The following ATP9A variants were observed in gnomAD, a reference collection of about 807,000 sequenced individuals.
ATP9A encodes the protein ATPase phospholipid transporting 9A.
A neutral mutation model predicts 144.1 loss-of-function variants in ATP9A; 52 were observed. That is an observed-to-expected ratio of 0.36 (90% CI 0.29 to 0.45). The LOEUF (loss-of-function observed/expected upper bound fraction) is 0.45. Among genes scored for constraint, ATP9A ranks in the 20% least tolerant of loss-of-function variants. The pLI is 1.00. For missense variants in ATP9A, 947 were observed against 1,392.7 expected (o/e 0.68, Z 5.09); for synonymous variants, 582 against 557.4 (o/e 1.04, Z -0.62).
intron 1 of ATP9A, among the ~76,000 whole-genome samples, chr20:51,736,087 A>T (rs1480455458): frequency 2.6e-5 from 4 of 152,204 alleles, no homozygotes; most frequent in African/African-American, 2.4e-5. Context: ...GCCAAGAAGA[A>T]GCTGCCATGC....
At chr20:51,627,355 C>T (rs2122731443) in intron 17 of ATP9A, among the ~76,000 whole-genome samples, 1 of 152,276 alleles carries the variant, frequency 6.6e-6, no homozygotes, top group Admixed American at 6.5e-5. Flanking sequence ...TCCAGGAAGA[C>T]TTCTTGGAGG....
At chr20:51,762,141 G>T (rs12624744) in intron 1 of ATP9A, among the ~76,000 whole-genome samples, 34,105 of 152,070 alleles carry the variant, frequency 0.22, 4,298 homozygotes, top group East Asian at 0.31. Flanking sequence ...AAGGTGGGCA[G>T]ATAACTTGAG....
At chr20:51,644,004 G>C (rs545558364) in intron 14 of ATP9A, among the ~76,000 whole-genome samples, 1 of 151,930 alleles carries the variant, frequency 6.6e-6, no homozygotes, top group Non-Finnish European at 1.5e-5. Flanking sequence ...GCATGATGGC[G>C]GGTGCCTGTA....
chr20:51,762,705 CTTTTT>C (rs34209501), intron 1 of ATP9A, among the ~76,000 whole-genome samples: 2,368 of 84,492 alleles, frequency 0.028, 33 homozygotes, highest in East Asian at 0.07. Context: ...CCACAAATGG[CTTTTT>C]TTTTTTTTTT....
In ATP9A at chr20:51,601,052, G is replaced by T; in HGVS notation, c.*159C>A. On this transcript the variant is annotated 3_prime_UTR_variant, in exon 28 of 28. Coordinates refer to ENST00000338821, the MANE Select transcript of ATP9A (RefSeq NM_006045.3). ...CAGGACCCTCCCTCCCGTTGATGCA[G>T]CGTTAGGACTCCGTTTAGGCGCAGA... 1.1e-6 allele frequency: 1 copy of T among 871,740 alleles called. No homozygotes were observed. Among genetic ancestry groups the T allele is most frequent in the Non-Finnish European group, 1.7e-6 (1 of 602,674 alleles). The allele number at this position is 871,740 out of a possible 1,614,324, so 54.0% of individuals were successfully genotyped here.
intron 5 of ATP9A, 149 bp from the exon 6 acceptor site, chr20:51,696,293 G>C (rs569605092): frequency 1.7e-6 from 1 of 585,546 alleles, no homozygotes; most frequent in East Asian, 2.8e-5. Context: ...TTCTGCCTTT[G>C]TCAAAGACAG....
At chr20:51,722,141 T>C (rs2077692328) in intron 3 of ATP9A, among the ~76,000 whole-genome samples, 1 of 152,146 alleles carries the variant, frequency 6.6e-6, no homozygotes, top group Non-Finnish European at 1.5e-5. Flanking sequence ...TAGCCACATG[T>C]AGGAGAATGA....
rs557537166 is a variant in ATP9A, at chr20:51,718,639, G to A, written c.328-5565C>T. On this transcript the variant is annotated intron_variant, in intron 3 of 27. Coordinates refer to ENST00000338821, the MANE Select transcript of ATP9A (RefSeq NM_006045.3). ...TCGAGACCAGCCTGGCCAACATGGT[G>A]AAACCCCATCTCTAAAACTACAAAA... Among the ~76,000 whole-genome samples, 11 of 151,106 alleles carry A rather than the reference G, an allele frequency of 7.3e-5. No individual in the cohort carries two copies. In the South Asian group the frequency reaches 2.3e-3, roughly 32 times the overall value.
Position 51,607,544 on chromosome 20 carries a change from A to G in ATP9A, c.2786T>C (p.Leu929Ser). 1 of 1,613,148 alleles carries G rather than the reference A, an allele frequency of 6.2e-7. No individual in the cohort carries two copies. The highest frequency in any genetic ancestry group is 8.5e-7 in the Non-Finnish European group (1 of 1,179,258). Residue 929 changes from leucine (L) to serine (S), a missense_variant, in exon 26 of 28, where the codon TTG (leucine) becomes TCG (serine). By Grantham distance (145) the Leu-to-Ser change is moderately radical. Coordinates refer to ENST00000338821, the MANE Select transcript of ATP9A (RefSeq NM_006045.3). ...LSYKTFLIWV[L>S]ISIYQGSTIM... ...ATCCTTACCTTGATAGATGCTAATC[A>G]AAACCCATATTAAGAATGTCTTGTA... is the stretch of plus-strand genomic sequence containing the variant.
At chr20:51,717,724 G>A (rs1456795164) in intron 3 of ATP9A, among the ~76,000 whole-genome samples, 1 of 152,092 alleles carries the variant, frequency 6.6e-6, no homozygotes, top group South Asian at 2.1e-4. Context: ...GGGAGGCCAG[G>A]GCAGGCAGAT....
At chr20:51,676,343 C>A in intron 9 of ATP9A, 135 bp from the exon 10 acceptor site, 1 of 647,692 alleles carries the variant, frequency 1.5e-6, no homozygotes. Flanking sequence ...TGCTCTGTTG[C>A]TCATGCTGGA....
chr20:51,713,145 G>A, intron 3 of ATP9A, 71 bp from the exon 4 acceptor site: 1 of 1,422,886 alleles, frequency 7.0e-7, no homozygotes, highest in East Asian at 2.5e-5. Flanking sequence ...TCCCCTCCTG[G>A]TGCCAGGGGC....
rs796645472 is a variant in ATP9A at position 51,653,773 on chromosome 20, C to CA, written c.1506+3164dup. Reference sequence around the variant, plus strand: ...CTGCACTCCAGCCTGGGCGACAGAGCAAAAAAAAAAGGCCTGGCACGGTGG... The same window carrying CA: ...CTGCACTCCAGCCTGGGCGACAGAGCAAAAAAAAAAAGGCCTGGCACGGTGG... On this transcript the variant is annotated intron_variant, in intron 14 of 27. Transcript: ENST00000338821. 5.0e-4 allele frequency among the ~76,000 whole-genome samples: 71 copies of CA among 143,080 alleles called. 2 individuals carry two copies. The highest frequency in any genetic ancestry group is 8.2e-4 in the African/African-American group (32 of 39,042). The allele number at this position is 143,080 out of a possible 152,430, so 93.9% of individuals were successfully genotyped here.
rs1451731195 is a variant in ATP9A at position 51,599,140 on chromosome 20, G to A, written c.*2071C>T. ...GGAAACCTCTAAAACTTTCTGACGA[G>A]GCTCCCACACGCCCTGCCTGCAGGA... is the stretch of plus-strand genomic sequence containing the variant. On this transcript the variant is annotated 3_prime_UTR_variant, in exon 28 of 28. Transcript: ENST00000338821. 1 of 152,208 alleles carries A rather than the reference G, an allele frequency of 6.6e-6. No individual in the cohort carries two copies. The highest frequency in any genetic ancestry group is 1.5e-5 in the Non-Finnish European group (1 of 68,052). The allele number at this position is 152,208 out of a possible 1,614,324, so 9.4% of individuals were successfully genotyped here. A position where few individuals can be genotyped will look rare whatever the true frequency, so the allele number is the denominator to read the frequency against.
At chr20:51,694,870 T>C (rs1255493908) in intron 6 of ATP9A, among the ~76,000 whole-genome samples, 2 of 152,116 alleles carry the variant, frequency 1.3e-5, no homozygotes, top group Admixed American at 6.6e-5. Flanking sequence ...TGTTTGTTTG[T>C]TTTTTCAAGA....
chr20:51,682,577 CTTTTTTTTTT>C lies in ATP9A; in HGVS notation c.800-6379_800-6370del, dbSNP rs60505207. Among the ~76,000 whole-genome samples, 319 of 35,082 alleles carry C rather than the reference CTTTTTTTTTT, an allele frequency of 9.1e-3. 8 individuals are homozygous for C. Among genetic ancestry groups the C allele is most frequent in the African/African-American group, 0.03 (292 of 9,816 alleles). 23.0% of individuals were successfully genotyped at this position (35,082 alleles called of 152,430 possible). A position where few individuals can be genotyped will look rare whatever the true frequency, so the allele number is the denominator to read the frequency against. Reference sequence around the variant, plus strand: ...TAAAGTGTGTTGCTTTTCACTGTATCTTTTTTTTTTTTTTTTTTTTTTTTTTTTTTGAGAC... The same window carrying C: ...TAAAGTGTGTTGCTTTTCACTGTATCTTTTTTTTTTTTTTTTTTTTGAGAC... On this transcript the variant is annotated intron_variant, in intron 9 of 27. Transcript: ENST00000338821.
In ATP9A at chr20:51,618,772, T is replaced by C; in HGVS notation, c.2240A>G (p.Glu747Gly). 1 of 1,605,062 alleles carries C rather than the reference T, an allele frequency of 6.2e-7. No individual in the cohort carries two copies. Among genetic ancestry groups the C allele is most frequent in the Non-Finnish European group, 8.5e-7 (1 of 1,175,534 alleles). ...TACGGCCGGGCACTGGCAGGCCAGCTCCATGAACTCGTACTCATAGTACTT... is the reference window on the plus strand; with the variant it reads ...TACGGCCGGGCACTGGCAGGCCAGCCCCATGAACTCGTACTCATAGTACTT... ...CLKYYEYEFM[E>G]LACQCPAVVC... Residue 747 changes from glutamate to glycine, a missense_variant, in exon 21 of 28, where the codon GAG (glutamate) becomes GGG (glycine). Transcript: ENST00000338821.
chr20:51,622,999 G>A (rs182658440), intron 18 of ATP9A, among the ~76,000 whole-genome samples: 1 of 152,212 alleles, frequency 6.6e-6, no homozygotes, highest in East Asian at 1.9e-4. Context: ...GACAGCTTCT[G>A]GAGGCTGGAA....
intron 4 of ATP9A, among the ~76,000 whole-genome samples, chr20:51,705,596 GGCT>G (rs982764787): frequency 6.6e-6 from 1 of 152,166 alleles, no homozygotes; most frequent in Admixed American, 6.6e-5. Context: ...CTTCTTTCAA[GGCT>G]AATTGTCCGC....
Sources: allele counts gnomAD v4.1 joint callset (sites outside exome capture counted in the v4.1 genomes callset), GRCh38; gene constraint gnomAD v4.1.1; transcripts MANE v1.5; gene names NCBI Gene and HGNC (gene_info 2026-07-23, HGNC 2026-07-21).